Variants in ZNF385D observed in about 807,000 individuals in gnomAD.
ZNF385D encodes the protein zinc finger protein 659.
A neutral mutation model predicts 35.8 loss-of-function variants in ZNF385D; 15 were observed. The ratio of observed to expected loss-of-function variants is 0.42; its 90% CI spans 0.28 to 0.64. ZNF385D has a LOEUF of 0.64. Among genes scored for constraint, ZNF385D ranks in the 30% least tolerant of loss-of-function variants. ZNF385D has a pLI of 0.23. For synonymous variants in ZNF385D, 212 were observed against 186.8 expected (o/e 1.13, Z -1.10); for missense variants, 474 against 494.6 (o/e 0.96, Z 0.39).
chr3:21,649,248 A>G (rs189664349), intron 2 of ZNF385D, among the ~76,000 whole-genome samples: 1 of 152,322 alleles, frequency 6.6e-6, no homozygotes, highest in African/African-American at 2.4e-5. Context: ...GTATGTGCAC[A>G]TATGCTACTT....
intron 2 of ZNF385D, among the ~76,000 whole-genome samples, chr3:22,175,825 TAAAC>T (rs1694791557): frequency 6.6e-6 from 1 of 150,688 alleles, no homozygotes; most frequent in East Asian, 1.9e-4. Context: ...ATAAATCAAA[TAAAC>T]TACTTCAGTA....
intron 6 of ZNF385D, among the ~76,000 whole-genome samples, chr3:21,424,692 T>C (rs1700929949): frequency 6.7e-6 from 1 of 150,078 alleles, no homozygotes; most frequent in Non-Finnish European, 1.5e-5. Context: ...CACATCTCTT[T>C]TTTTTTTTTT....
At chr3:21,711,567 A>G (rs1391341223) in intron 1 of ZNF385D, among the ~76,000 whole-genome samples, 1 of 152,180 alleles carries the variant, frequency 6.6e-6, no homozygotes, top group Non-Finnish European at 1.5e-5. Context: ...TACATCATTG[A>G]CATGCAGTCT....
At chr3:22,210,795 C>T (rs1260528012) in intron 2 of ZNF385D, among the ~76,000 whole-genome samples, 1 of 151,356 alleles carries the variant, frequency 6.6e-6, no homozygotes, top group Non-Finnish European at 1.5e-5. Context: ...GTTCCCTCAC[C>T]ACTCTGGATC....
chr3:22,049,496 G>C (rs977164892), intron 3 of ZNF385D, among the ~76,000 whole-genome samples: 1 of 151,774 alleles, frequency 6.6e-6, no homozygotes, highest in East Asian at 1.9e-4. Flanking sequence ...CTTCCCATCG[G>C]ATGCCTTTTA....
chr3:21,634,124 G>C (rs2065357352), intron 2 of ZNF385D, among the ~76,000 whole-genome samples: 1 of 151,950 alleles, frequency 6.6e-6, no homozygotes, highest in African/African-American at 2.4e-5. Flanking sequence ...TTGAGTCCAG[G>C]AGGTCAAGCC....
intron 3 of ZNF385D, among the ~76,000 whole-genome samples, chr3:21,865,267 G>A (rs1036420375): frequency 2.6e-5 from 4 of 151,640 alleles, no homozygotes; most frequent in Non-Finnish European, 5.9e-5. Context: ...CAAATAGATG[G>A]AATCAATACA....
At chr3:22,154,592 T>A (rs1388896700) in intron 3 of ZNF385D, among the ~76,000 whole-genome samples, 1 of 152,204 alleles carries the variant, frequency 6.6e-6, no homozygotes, top group South Asian at 2.1e-4. Context: ...AAATGAGGTA[T>A]GAGCCATAAA....
intron 3 of ZNF385D, among the ~76,000 whole-genome samples, chr3:22,073,113 C>A (rs554579409): frequency 6.6e-6 from 1 of 152,034 alleles, no homozygotes; most frequent in South Asian, 2.1e-4. Flanking sequence ...GACAAGCAGT[C>A]CTGGAAAGGC....
intron 3 of ZNF385D, among the ~76,000 whole-genome samples, chr3:22,002,320 G>A (rs1695893032): frequency 1.3e-5 from 2 of 152,166 alleles, no homozygotes; most frequent in Middle Eastern, 6.8e-3. Flanking sequence ...ACAAGTATAT[G>A]CTAACAAATT....
intron 3 of ZNF385D, among the ~76,000 whole-genome samples, chr3:21,766,192 G>A (rs780202189): frequency 2.8e-4 from 42 of 152,044 alleles, no homozygotes; most frequent in Non-Finnish European, 4.9e-4. Flanking sequence ...ATCTCCAGAT[G>A]AGAGACCTGT....
chr3:22,013,551 T>C (rs2008355), intron 3 of ZNF385D, among the ~76,000 whole-genome samples: 17,593 of 152,194 alleles, frequency 0.12, 1,278 homozygotes, highest in Non-Finnish European at 0.16. Context: ...GTAAAATTTC[T>C]CAATGGAACT....
At chr3:22,094,585 G>A (rs1410335331) in intron 3 of ZNF385D, among the ~76,000 whole-genome samples, 1 of 151,572 alleles carries the variant, frequency 6.6e-6, no homozygotes, top group East Asian at 1.9e-4. Flanking sequence ...GAATATGAAG[G>A]GCCTGGAACT....
chr3:22,143,935 T>G (rs555177667), intron 3 of ZNF385D, among the ~76,000 whole-genome samples: 1 of 152,302 alleles, frequency 6.6e-6, no homozygotes, highest in Non-Finnish European at 1.5e-5. Context: ...CCAGAAGAAT[T>G]TTTAAAGGCT....
At chr3:21,776,072 C>A (rs1013607015) in intron 3 of ZNF385D, among the ~76,000 whole-genome samples, 2 of 150,986 alleles carry the variant, frequency 1.3e-5, no homozygotes, top group East Asian at 3.9e-4. Context: ...ATTATACAAT[C>A]AAAATCTTCT....
chr3:21,423,965 C>T lies in ZNF385D; in HGVS notation c.952G>A (p.Gly318Arg). ...GACTCTTGCAAAATGACACTCACCC[C>T]CAGTGGATGTGCTGTCTTCTGTAGT... ...NKLQKTAHPLGVKLVFSKEPS... is the reference protein window; with the variant it reads ...NKLQKTAHPLRVKLVFSKEPS... The change falls in exon 7 of 8, where the codon GGG becomes AGG. Residue 318 changes from glycine to arginine, a missense_variant and splice_region_variant. Transcript: ENST00000281523. The T allele has an allele frequency of 6.2e-7, 1 of 1,606,440 alleles. No individual in the cohort carries two copies. The highest frequency in any genetic ancestry group is 8.5e-7 in the Non-Finnish European group (1 of 1,177,494).
At chr3:22,103,829 G>A (rs145514050) in intron 3 of ZNF385D, among the ~76,000 whole-genome samples, 2,676 of 152,012 alleles carry the variant, frequency 0.018, 85 homozygotes, top group African/African-American at 0.06. Context: ...GTTGAGGGGG[G>A]TGACTTTACA....
chr3:21,908,972 A>C (rs1180319659), intron 3 of ZNF385D, among the ~76,000 whole-genome samples: 1 of 152,066 alleles, frequency 6.6e-6, no homozygotes, highest in African/African-American at 2.4e-5. Context: ...AGCCTATTAA[A>C]AAGTTACAAG....
intron 4 of ZNF385D, among the ~76,000 whole-genome samples, chr3:21,450,799 T>A (rs1464711526): frequency 1.3e-5 from 2 of 152,198 alleles, no homozygotes; most frequent in African/African-American, 4.8e-5. Context: ...TGCCATAATT[T>A]CAGTAGTTAT....
Sources: gnomAD v4.1 joint callset for allele counts (sites outside exome capture counted in the v4.1 genomes callset) on GRCh38, gnomAD v4.1.1 for gene constraint, MANE v1.5 for transcripts, NCBI Gene and HGNC (gene_info 2026-07-23, HGNC 2026-07-21) for gene names.